RBFOX1: variants seen among roughly 807,000 people sequenced by gnomAD.
RBFOX1 encodes the protein RNA binding fox-1 homolog 1.
In RBFOX1, 8 loss-of-function variants were observed where a neutral mutation model predicts 57.7. That is an observed-to-expected ratio of 0.14 (90% CI 0.08 to 0.25). The LOEUF (loss-of-function observed/expected upper bound fraction) is 0.25, where lower values mean the gene tolerates loss of function less well. Among genes scored for constraint, RBFOX1 ranks in the 10% least tolerant of loss-of-function variants. The pLI is 1.00. For synonymous variants in RBFOX1, 326 were observed against 222.4 expected, an observed-to-expected ratio of 1.47 and a Z score of -4.15; for missense variants, 611 against 548.5, an observed-to-expected ratio of 1.11 and a Z score of -1.14.
At chr16:5,910,869 T>C (rs1368054804) in intron 4 of RBFOX1, among the ~76,000 whole-genome samples, 1 of 152,208 alleles carries the variant, frequency 6.6e-6, no homozygotes, top group African/African-American at 2.4e-5. Context: ...CCGTGACAGA[T>C]GGAAGCTGGT....
chr16:6,782,594 C>A (rs565859116), intron 3 of RBFOX1, among the ~76,000 whole-genome samples: 12 of 152,000 alleles, frequency 7.9e-5, no homozygotes, highest in Non-Finnish European at 1.5e-4. Flanking sequence ...AGAAAAGATA[C>A]CTGCTATGAT....
At chr16:6,723,292 T>C (rs1407888507) in intron 3 of RBFOX1, among the ~76,000 whole-genome samples, 3 of 152,200 alleles carry the variant, frequency 2.0e-5, no homozygotes, top group African/African-American at 7.2e-5. Flanking sequence ...AATCATTTAA[T>C]ATAGGCACCT....
At chr16:6,662,684 A>C (rs2098708959) in intron 3 of RBFOX1, among the ~76,000 whole-genome samples, 1 of 152,202 alleles carries the variant, frequency 6.6e-6, no homozygotes, top group African/African-American at 2.4e-5. Flanking sequence ...TAAAAGACTC[A>C]AACATTTGAT....
In RBFOX1 at chr16:5,339,470, G is replaced by GGTTTTTTTTTTTTTTT. The variant is rs1567354925; in HGVS notation, c.219+99365_219+99366insGTTTTTTTTTTTTTTT. Among the ~76,000 whole-genome samples the GGTTTTTTTTTTTTTTT allele has an allele frequency of 4.9e-5, 2 of 40,888 alleles. 1 individual carries two copies. Among genetic ancestry groups the GGTTTTTTTTTTTTTTT allele is most frequent in the Admixed American group, 9.3e-4 (2 of 2,140 alleles). 26.8% of individuals were successfully genotyped at this position (40,888 alleles called of 152,430 possible). On this transcript the variant is annotated intron_variant, in intron 1 of 2. Transcript: ENST00000585867. ...AAAAGCTAGAAGCTGCTTTTTCCGT[G>GGTTTTTTTTTTTTTTT]TTTTTTTTTTTTTTTTTTTTTTTTT...
At position 5,241,950 on chromosome 16, in the gene RBFOX1, T is replaced by A. The variant is rs190285307; in HGVS notation, c.219+1845T>A. Among the ~76,000 whole-genome samples, 665 of 148,632 alleles carry A rather than the reference T, an allele frequency of 4.5e-3. 2 individuals are homozygous for A. Among genetic ancestry groups the A allele is most frequent in the African/African-American group, 0.015 (570 of 39,284 alleles). ...GCCTCGCATCTACCAAAAAAAAAAA[T>A]AATAATAATAAAATAAAAGCCAGGT... On this transcript the variant is annotated intron_variant, in intron 1 of 2. Coordinates refer to the RBFOX1 transcript ENST00000585867.
Position 7,566,416 on chromosome 16 carries a change from T to C in RBFOX1, c.271-13361T>C, listed in dbSNP as rs189148779. On this transcript the variant is annotated intron_variant, in intron 5 of 15. Transcript: ENST00000550418. ...TGCAGCTGCTCTACGTGCCTGCTCTTAGACTTTCCAGAGCATTTTCACCTT... is the reference window on the plus strand; with the variant it reads ...TGCAGCTGCTCTACGTGCCTGCTCTCAGACTTTCCAGAGCATTTTCACCTT... 3.3e-3 allele frequency among the ~76,000 whole-genome samples: 504 copies of C among 152,280 alleles called. 12 individuals are homozygous for C. Among genetic ancestry groups the C allele is most frequent in the Non-Finnish European group, 8.5e-4 (58 of 68,006 alleles).
At chr16:6,820,273 G>C (rs556668573) in intron 3 of RBFOX1, among the ~76,000 whole-genome samples, 5 of 152,102 alleles carry the variant, frequency 3.3e-5, no homozygotes, top group African/African-American at 9.7e-5. Flanking sequence ...CCAGTCTCAG[G>C]TATTTCTTCA....
At chr16:6,517,567 G>C (rs559911212) in intron 2 of RBFOX1, among the ~76,000 whole-genome samples, 1 of 152,074 alleles carries the variant, frequency 6.6e-6, no homozygotes, top group African/African-American at 2.4e-5. Context: ...TATATTCAAG[G>C]AGAATTTAGA....
At chr16:6,228,493 G>C (rs866294078) in intron 1 of RBFOX1, among the ~76,000 whole-genome samples, 1 of 151,844 alleles carries the variant, frequency 6.6e-6, no homozygotes, top group African/African-American at 2.4e-5. Flanking sequence ...AAAAAAGAAG[G>C]AAATTCTGCC....
chr16:7,395,914 G>C (rs2148623302), intron 4 of RBFOX1, among the ~76,000 whole-genome samples: 1 of 152,266 alleles, frequency 6.6e-6, no homozygotes, highest in East Asian at 1.9e-4. Flanking sequence ...GTAAGTGCCA[G>C]GGTTATCCAA....
chr16:5,790,982 C>A (rs1047080257), intron 3 of RBFOX1, among the ~76,000 whole-genome samples: 7 of 151,044 alleles, frequency 4.6e-5, no homozygotes, highest in African/African-American at 1.7e-4. Context: ...GATTCTTTTG[C>A]TTCAACTTCC....
At chr16:5,304,693 G>C (rs2063889476) in intron 1 of RBFOX1, among the ~76,000 whole-genome samples, 1 of 152,166 alleles carries the variant, frequency 6.6e-6, no homozygotes, top group Admixed American at 6.5e-5. Flanking sequence ...TAGCAGGGAA[G>C]ACAGAAGAAA....
At position 7,562,847 on chromosome 16, in the gene RBFOX1, T is replaced by G. The variant is rs566356450; in HGVS notation, c.271-16930T>G. 2.0e-5 allele frequency among the ~76,000 whole-genome samples: 3 copies of G among 152,372 alleles called. No individual in the cohort carries two copies. In the South Asian group the frequency reaches 6.2e-4, roughly 32 times the overall value. On this transcript the variant is annotated intron_variant, in intron 5 of 15. Coordinates refer to ENST00000550418, the MANE Select transcript of RBFOX1 (RefSeq NM_018723.4). ...CACTCTATGCCCACTGTAGGTATACTGGACCACAGATGTGTAGCAAGAGGA... is the reference window on the plus strand; with the variant it reads ...CACTCTATGCCCACTGTAGGTATACGGGACCACAGATGTGTAGCAAGAGGA...
At chr16:7,370,110 C>T (rs1275111266) in intron 4 of RBFOX1, among the ~76,000 whole-genome samples, 3 of 152,188 alleles carry the variant, frequency 2.0e-5, no homozygotes, top group Admixed American at 6.5e-5. Flanking sequence ...AAGGGTTTCC[C>T]TGTGTACTGT....
intron 3 of RBFOX1, among the ~76,000 whole-genome samples, chr16:6,904,172 G>C (rs1468709825): frequency 6.6e-6 from 1 of 152,198 alleles, no homozygotes; most frequent in East Asian, 1.9e-4. Flanking sequence ...CTCTGTGTCT[G>C]TGTGTGTATG....
intron 1 of RBFOX1, among the ~76,000 whole-genome samples, chr16:6,178,858 T>C (rs2097037200): frequency 6.6e-6 from 1 of 152,212 alleles, no homozygotes; most frequent in African/African-American, 2.4e-5. Context: ...AAATACAGAT[T>C]GGCATTTTCT....
intron 4 of RBFOX1, among the ~76,000 whole-genome samples, chr16:7,219,159 C>T (rs2092520002): frequency 6.6e-6 from 1 of 152,146 alleles, no homozygotes; most frequent in South Asian, 2.1e-4. Context: ...CTTGTTAATT[C>T]ACCCCCATGA....
chr16:7,349,387 T>C (rs1464154382), intron 4 of RBFOX1, among the ~76,000 whole-genome samples: 1 of 152,140 alleles, frequency 6.6e-6, no homozygotes, highest in African/African-American at 2.4e-5. Context: ...TAAATCCTCC[T>C]CCTAATTCCC....
intron 1 of RBFOX1, among the ~76,000 whole-genome samples, chr16:5,321,550 G>C (rs1038267380): frequency 1.3e-5 from 2 of 152,100 alleles, no homozygotes; most frequent in South Asian, 4.1e-4. Context: ...TCGATCTCCT[G>C]ACCTCGTGAT....
Sources: allele counts gnomAD v4.1 joint callset (sites outside exome capture counted in the v4.1 genomes callset), GRCh38; gene constraint gnomAD v4.1.1; transcripts MANE v1.5; gene names NCBI Gene and HGNC (gene_info 2026-07-23, HGNC 2026-07-21).